CNTN3: variants seen among roughly 807,000 people sequenced by gnomAD.
The protein encoded by CNTN3 is contactin 3, also known as contactin-3.
CNTN3 carries 60 observed loss-of-function variants against 119.1 expected under a neutral mutation model. The ratio of observed to expected loss-of-function variants is 0.50; its 90% CI spans 0.41 to 0.62. The LOEUF (loss-of-function observed/expected upper bound fraction) is 0.62, where lower values mean the gene tolerates loss of function less well. Among genes scored for constraint, CNTN3 ranks in the 20% least tolerant of loss-of-function variants. The probability of loss-of-function intolerance (pLI) is 0.00; values close to 1 mark genes in which losing one functional copy is unlikely to be tolerated. For missense variants in CNTN3, 1,101 were observed against 1,242.4 expected, an observed-to-expected ratio of 0.89 and a Z score of 1.71; for synonymous variants, 450 against 438.7, an observed-to-expected ratio of 1.03 and a Z score of -0.32.
chr3:74,503,392 G>A (rs1478918637), intron 2 of CNTN3, among the ~76,000 whole-genome samples: 4 of 152,114 alleles, frequency 2.6e-5, no homozygotes, highest in South Asian at 2.1e-4. Flanking sequence ...AGCCTCTGAC[G>A]CCTCTTAAAA....
chr3:74,422,984 G>A (rs1431337812), intron 5 of CNTN3, among the ~76,000 whole-genome samples: 1 of 147,164 alleles, frequency 6.8e-6, no homozygotes. Flanking sequence ...AGAGAAACAG[G>A]GTGTCTGCTT....
intron 4 of CNTN3, among the ~76,000 whole-genome samples, chr3:74,454,259 TATGTA>T (rs2106956737): frequency 7.4e-6 from 1 of 134,862 alleles, no homozygotes; most frequent in African/African-American, 2.8e-5. Context: ...CCTTTACCAT[TATGTA>T]ATGGCCTTCT....
chr3:74,411,741 C>T (rs1701441299), intron 5 of CNTN3, among the ~76,000 whole-genome samples: 2 of 151,968 alleles, frequency 1.3e-5, no homozygotes, highest in African/African-American at 4.8e-5. Context: ...ACAGACTTTA[C>T]CAACTGTATT....
chr3:74,599,572 C>T (rs1383276898), intron 1 of CNTN3, among the ~76,000 whole-genome samples: 1 of 152,076 alleles, frequency 6.6e-6, no homozygotes, highest in Non-Finnish European at 1.5e-5. Context: ...ATACGCAATT[C>T]ACAAATGGGT....
intron 5 of CNTN3, among the ~76,000 whole-genome samples, chr3:74,420,980 G>C (rs1048038145): frequency 1.3e-5 from 2 of 152,096 alleles, no homozygotes; most frequent in Non-Finnish European, 2.9e-5. Flanking sequence ...CTGGTTAAGA[G>C]CCCACGCTCT....
chr3:74,520,742 T>G (rs545578544), intron 2 of CNTN3, among the ~76,000 whole-genome samples: 1 of 151,176 alleles, frequency 6.6e-6, no homozygotes, highest in South Asian at 2.1e-4. Context: ...TTAAGTTCCT[T>G]TGGAAAAAAA....
At chr3:74,535,890 C>T (rs76357972) in intron 1 of CNTN3, among the ~76,000 whole-genome samples, 5,635 of 152,162 alleles carry the variant, frequency 0.037, 139 homozygotes, top group South Asian at 0.069. Context: ...GTCTTGAAAC[C>T]TCTAACCAAA....
chr3:74,370,469 A>C (rs1345390378), intron 6 of CNTN3, among the ~76,000 whole-genome samples: 1 of 152,142 alleles, frequency 6.6e-6, no homozygotes, highest in Non-Finnish European at 1.5e-5. Flanking sequence ...AAGAACAAAA[A>C]TTATGGCAGG....
At chr3:74,405,959 A>G (rs1705313137) in intron 5 of CNTN3, among the ~76,000 whole-genome samples, 1 of 152,114 alleles carries the variant, frequency 6.6e-6, no homozygotes, top group Non-Finnish European at 1.5e-5. Flanking sequence ...TTTTATTAGT[A>G]AGGATACTGC....
intron 3 of CNTN3, among the ~76,000 whole-genome samples, chr3:74,490,556 T>C (rs1018321983): frequency 3.3e-5 from 5 of 152,178 alleles, no homozygotes; most frequent in African/African-American, 4.8e-5. Flanking sequence ...ATTTAACAGA[T>C]GGAAAGATTT....
intron 13 of CNTN3, among the ~76,000 whole-genome samples, chr3:74,308,555 C>T (rs1419865403): frequency 3.3e-5 from 5 of 152,026 alleles, no homozygotes; most frequent in Admixed American, 2.0e-4. Context: ...TCAAGTGCCA[C>T]GGTGCCTCAA....
At chr3:74,497,449 GAAT>G (rs1409804077) in intron 3 of CNTN3, among the ~76,000 whole-genome samples, 1 of 151,872 alleles carries the variant, frequency 6.6e-6, no homozygotes, top group African/African-American at 2.4e-5. Flanking sequence ...CAGATAACAT[GAAT>G]AACAAGGGGT....
intron 1 of CNTN3, among the ~76,000 whole-genome samples, chr3:74,546,862 T>C (rs1321650812): frequency 2.0e-5 from 3 of 152,230 alleles, no homozygotes; most frequent in Non-Finnish European, 4.4e-5. Flanking sequence ...TAGAGAACCC[T>C]GGCTAATACA....
At chr3:74,462,150 A>G (rs1471301741) in intron 4 of CNTN3, among the ~76,000 whole-genome samples, 1 of 151,972 alleles carries the variant, frequency 6.6e-6, no homozygotes, top group Non-Finnish European at 1.5e-5. Flanking sequence ...GCTACTTAAG[A>G]TGTGCCTGTT....
At chr3:74,451,192 T>G (rs548486099) in intron 4 of CNTN3, among the ~76,000 whole-genome samples, 76 of 152,290 alleles carry the variant, frequency 5.0e-4, no homozygotes, top group African/African-American at 1.1e-3. Context: ...CCTGACTTTT[T>G]AATGATTGCC....
chr3:74,573,288 CT>C lies in CNTN3; in HGVS notation c.-81+41102del, dbSNP rs879506429. The stretch of plus-strand genomic sequence containing the variant: ...AGGGTGCACAATTGAAGAGTGCTTT[CT>C]TTTTTTTTTTTTAGCCTGTCCCATC... On this transcript the variant is annotated intron_variant, in intron 1 of 22. Coordinates refer to ENST00000263665, the MANE Select transcript of CNTN3 (RefSeq NM_020872.3). Among the ~76,000 whole-genome samples, 635 of 142,788 alleles carry C rather than the reference CT, an allele frequency of 4.4e-3. 1 individual carries two copies. The highest frequency in any genetic ancestry group is 0.014 in the Middle Eastern group (4 of 276). 93.7% of individuals were successfully genotyped at this position (142,788 alleles called of 152,430 possible). A position where few individuals can be genotyped will look rare whatever the true frequency, so the allele number is the denominator to read the frequency against.
intron 4 of CNTN3, among the ~76,000 whole-genome samples, chr3:74,458,757 C>A (rs1702313604): frequency 6.6e-6 from 1 of 152,024 alleles, no homozygotes; most frequent in South Asian, 2.1e-4. Flanking sequence ...TATTCTGTAG[C>A]TTGATTTTGT....
intron 4 of CNTN3, among the ~76,000 whole-genome samples, chr3:74,451,657 T>G (rs1286505469): frequency 6.6e-6 from 1 of 152,010 alleles, no homozygotes; most frequent in Non-Finnish European, 1.5e-5. Context: ...TGTCTAACGT[T>G]TAAGTCTTTA....
chr3:74,512,382 A>C (rs565570438), intron 2 of CNTN3, among the ~76,000 whole-genome samples: 1 of 152,276 alleles, frequency 6.6e-6, no homozygotes, highest in Admixed American at 6.5e-5. Flanking sequence ...AAAGGTTCCT[A>C]TTAATCTGTG....
Sources: allele counts gnomAD v4.1 joint callset (sites outside exome capture counted in the v4.1 genomes callset), GRCh38; gene constraint gnomAD v4.1.1; transcripts MANE v1.5; gene names NCBI Gene and HGNC (gene_info 2026-07-23, HGNC 2026-07-21).